Variants in ECT2L observed in about 807,000 individuals in gnomAD.
ECT2L encodes epithelial cell-transforming sequence 2 oncogene-like.
ECT2L carries 126 observed loss-of-function variants against 122.8 expected under a neutral mutation model. The ratio of observed to expected loss-of-function variants is 1.03; its 90% confidence interval spans 0.89 to 1.19. ECT2L has a LOEUF of 1.19. ECT2L is among the 50% of genes most tolerant of loss of function. The pLI, the probability that ECT2L is intolerant of heterozygous loss-of-function variation, is 0.00. For synonymous variants in ECT2L, 385 were observed against 381.8 expected (o/e 1.01, Z -0.10); for missense variants, 1,012 against 1,064.1 (o/e 0.95, Z 0.68).
At chr6:138,864,045 G>T (rs1250209243) in intron 11 of ECT2L, among the ~76,000 whole-genome samples, 2 of 141,700 alleles carry the variant, frequency 1.4e-5, no homozygotes, top group Non-Finnish European at 3.0e-5. Context: ...TTGTGGCCGG[G>T]CGCAGTGGCT....
At chr6:138,876,714 C>T (rs1431150797) in intron 14 of ECT2L, among the ~76,000 whole-genome samples, 156 bp downstream of exon 14, 2 of 151,676 alleles carry the variant, frequency 1.3e-5, no homozygotes, top group Non-Finnish European at 2.9e-5. Flanking sequence ...ATTCAGCTGG[C>T]AGACTTTTTT....
chr6:138,831,642 A>G (rs1404559627), intron 4 of ECT2L, among the ~76,000 whole-genome samples: 2 of 152,026 alleles, frequency 1.3e-5, no homozygotes, highest in African/African-American at 4.8e-5. Flanking sequence ...TTGTAATTTC[A>G]CCTTTATTTA....
chr6:138,859,969 C>G (rs1777765381), intron 10 of ECT2L, among the ~76,000 whole-genome samples: 1 of 151,994 alleles, frequency 6.6e-6, no homozygotes, highest in South Asian at 2.1e-4. Flanking sequence ...ATTACAGATG[C>G]CCGCCACCAT....
chr6:138,896,642 C>T (rs1418809368), intron 20 of ECT2L, among the ~76,000 whole-genome samples: 1 of 152,144 alleles, frequency 6.6e-6, no homozygotes, highest in African/African-American at 2.4e-5. Flanking sequence ...TACTGAAACT[C>T]TCCATGTACT....
At chr6:138,803,858 G>C (rs568979127) in intron 1 of ECT2L, among the ~76,000 whole-genome samples, 5 of 152,302 alleles carry the variant, frequency 3.3e-5, no homozygotes, top group African/African-American at 1.2e-4. Context: ...TTCTCTTGAA[G>C]TGTAATAAGA....
chr6:138,847,417 C>T lies in ECT2L; in HGVS notation c.903+740C>T, dbSNP rs1198319722. On this transcript the variant is annotated intron_variant, in intron 8 of 21. Transcript: ENST00000541398. Reference sequence around the variant, plus strand: ...ATGGAGTCTCACTCTGTCGCCCAGGCTGGAGTGCAGTGGCGCAATCTCGGC... The same window carrying T: ...ATGGAGTCTCACTCTGTCGCCCAGGTTGGAGTGCAGTGGCGCAATCTCGGC... 1.7e-4 allele frequency among the ~76,000 whole-genome samples: 18 copies of T among 106,744 alleles called. No individual in the cohort carries two copies. The Admixed American group carries it at 2.7e-3, about 16-fold the overall frequency. 70.0% of individuals were successfully genotyped at this position (106,744 alleles called of 152,430 possible).
Position 138,850,289 on chromosome 6 carries a change from C to T in ECT2L, c.1069+855C>T, listed in dbSNP as rs143882326. Among the ~76,000 whole-genome samples, 1,259 of 152,180 alleles carry T rather than the reference C, an allele frequency of 8.3e-3. 14 individuals are homozygous for T. Among genetic ancestry groups the T allele is most frequent in the African/African-American group, 0.029 (1,188 of 41,514 alleles). ...CCTCCCAAGTAGTTGTGATTACAGG[C>T]GTCCACCACCATGCCTGGCTAATTT... On this transcript the variant is annotated intron_variant, in intron 9 of 21. Coordinates refer to ENST00000541398, the MANE Select transcript of ECT2L (RefSeq NM_001077706.3).
At chr6:138,811,573 G>C (rs959775178) in intron 1 of ECT2L, among the ~76,000 whole-genome samples, 5 of 152,224 alleles carry the variant, frequency 3.3e-5, no homozygotes, top group African/African-American at 1.2e-4. Flanking sequence ...AAGAGACCAG[G>C]TGCAGCTCGC....
At chr6:138,893,446 G>A (rs1779108455) in intron 20 of ECT2L, among the ~76,000 whole-genome samples, 1 of 150,858 alleles carries the variant, frequency 6.6e-6, no homozygotes, top group Non-Finnish European at 1.5e-5. Context: ...TGTGAGACAA[G>A]GTCTCACTCT....
intron 7 of ECT2L, 89 bp downstream of exon 7, chr6:138,844,669 T>C: frequency 7.0e-6 from 9 of 1,281,040 alleles, no homozygotes; most frequent in Non-Finnish European, 7.7e-6. Flanking sequence ...CGCAGAAATC[T>C]TGTGTAATTC....
chr6:138,901,699 G>T (rs943199294), intron 21 of ECT2L, among the ~76,000 whole-genome samples: 1 of 152,234 alleles, frequency 6.6e-6, no homozygotes, highest in East Asian at 1.9e-4. Flanking sequence ...TACATATTTT[G>T]TTATTATCCT....
intron 15 of ECT2L, among the ~76,000 whole-genome samples, chr6:138,881,703 G>A (rs539150829): frequency 6.6e-6 from 1 of 152,018 alleles, no homozygotes; most frequent in East Asian, 1.9e-4. Flanking sequence ...TAAGGAGCAT[G>A]CAACCTAGAT....
intron 14 of ECT2L, chr6:138,878,753 G>A (rs6933108): frequency 0.35 from 53,086 of 152,170 alleles, 9,622 homozygotes; most frequent in South Asian, 0.45. Context: ...GGCCAAGGAG[G>A]TCTTTTCACA....
intron 2 of ECT2L, 66 bp downstream of exon 2, chr6:138,813,043 T>C (rs1583547220): frequency 2.6e-6 from 1 of 384,578 alleles, no homozygotes; most frequent in Non-Finnish European, 4.6e-6. Flanking sequence ...GTATGGCTTA[T>C]CATATACACA....
chr6:138,822,738 A>C, intron 4 of ECT2L: 1 of 1,587,612 alleles, frequency 6.3e-7, no homozygotes, highest in Non-Finnish European at 8.6e-7. Context: ...TCCATCTGAG[A>C]TTGGAGCCAT....
At chr6:138,818,871 G>C (rs1776161586) in intron 4 of ECT2L, among the ~76,000 whole-genome samples, 1 of 152,056 alleles carries the variant, frequency 6.6e-6, no homozygotes, top group African/African-American at 2.4e-5. Flanking sequence ...AGATATCCGG[G>C]GGTGGGGGGT....
At chr6:138,802,990 C>T (rs1398673581) in intron 1 of ECT2L, among the ~76,000 whole-genome samples, 14 of 151,812 alleles carry the variant, frequency 9.2e-5, no homozygotes, top group African/African-American at 2.9e-4. Flanking sequence ...GCAGGAAAAT[C>T]GCTTGAACCC....
Position 138,854,284 on chromosome 6 carries a change from A to G in ECT2L, c.1198+130A>G. 4 of 1,114,068 alleles carry G rather than the reference A, an allele frequency of 3.6e-6. 1 individual carries two copies. The highest frequency in any genetic ancestry group is 5.1e-4 in the Middle Eastern group (2 of 3,904). The allele number at this position is 1,114,068 out of a possible 1,614,324, so 69.0% of individuals were successfully genotyped here. ...ACGCTTCAATTTCTTTTTTCTTTGT[A>G]CTTCACATATCCAGGTATTTCAAGA... On this transcript the variant is annotated intron_variant, in intron 10 of 21. Coordinates refer to ENST00000541398, the MANE Select transcript of ECT2L (RefSeq NM_001077706.3).
intron 14 of ECT2L, among the ~76,000 whole-genome samples, chr6:138,877,282 T>C (rs1778485892): frequency 1.3e-5 from 2 of 152,140 alleles, no homozygotes; most frequent in African/African-American, 4.8e-5. Context: ...CTGCAGACAG[T>C]GCAGGCCGTG....
Sources: gnomAD v4.1 joint callset for allele counts (sites outside exome capture counted in the v4.1 genomes callset) on GRCh38, gnomAD v4.1.1 for gene constraint, MANE v1.5 for transcripts, NCBI Gene and HGNC (gene_info 2026-07-23, HGNC 2026-07-21) for gene names.